ANXA8: variants seen among roughly 807,000 people sequenced by gnomAD.
ANXA8 encodes annexin A8, also known as VAC-beta.
A neutral mutation model predicts 26.8 loss-of-function variants in ANXA8; 9 were observed. The observed-to-expected ratio is 0.34, with a 90% CI of 0.20 to 0.59. The LOEUF (loss-of-function observed/expected upper bound fraction) is 0.59. ANXA8 is among the 20% of genes least tolerant of loss of function. ANXA8 has a pLI of 0.84. For missense variants in ANXA8, 83 were observed against 238.5 expected, an observed-to-expected ratio of 0.35 and a Z score of 4.29; for synonymous variants, 39 against 94.8, an observed-to-expected ratio of 0.41 and a Z score of 3.42.
upstream of ANXA8, among the ~76,000 whole-genome samples, chr10:47,488,441 C>A: frequency 6.8e-6 from 1 of 147,190 alleles, no homozygotes; most frequent in East Asian, 2.0e-4. Context: ...GAACTCCTGA[C>A]CTCAGGTGGC....
chr10:47,562,964 C>T, the ANXA8 span, among the ~76,000 whole-genome samples: 13 of 136,154 alleles, frequency 9.5e-5, no homozygotes, highest in South Asian at 7.7e-4. Context: ...GGCATAGCGG[C>T]TCATCCCTGT....
the ANXA8 span, among the ~76,000 whole-genome samples, chr10:47,563,849 A>G: frequency 6.6e-6 from 1 of 151,910 alleles, no homozygotes; most frequent in Non-Finnish European, 1.5e-5. Flanking sequence ...AAATTAAGAT[A>G]TAGCCTTTTT....
chr10:47,559,315 T>TG, the ANXA8 span, among the ~76,000 whole-genome samples: 2 of 151,352 alleles, frequency 1.3e-5, no homozygotes, highest in Non-Finnish European at 2.9e-5. Flanking sequence ...TTAGTAAAGA[T>TG]GGGGGTTTCA....
the ANXA8 span, chr10:47,986,131 T>C: frequency 1.3e-5 from 2 of 149,660 alleles, no homozygotes; most frequent in African/African-American, 4.9e-5. Context: ...ACTCGCTGGA[T>C]AATATAATAG....
chr10:47,694,417 CTTTTTTTTTTTT>C, the ANXA8 span, among the ~76,000 whole-genome samples: 1 of 107,964 alleles, frequency 9.3e-6, no homozygotes, highest in South Asian at 2.7e-4. Flanking sequence ...AGAAATCTTC[CTTTTTTTTTTTT>C]TTTTTTTTTG....
intron 6 of ANXA8, 62 bp downstream of exon 6, chr10:47,475,431 C>CCAA: frequency 2.5e-6 from 4 of 1,609,000 alleles, no homozygotes; most frequent in Admixed American, 1.7e-5. Flanking sequence ...AGGGCTGCTC[C>CCAA]CTGGGGTGGA....
chr10:47,500,343 A>G, the ANXA8 span, among the ~76,000 whole-genome samples: 1 of 126,078 alleles, frequency 7.9e-6, no homozygotes, highest in African/African-American at 3.0e-5. Context: ...CTGCTCTTTC[A>G]AAGGCACAAT....
the ANXA8 span, among the ~76,000 whole-genome samples, chr10:47,951,024 G>A: frequency 6.6e-6 from 1 of 150,500 alleles, no homozygotes; most frequent in East Asian, 2.0e-4. Flanking sequence ...AAGATAAAAA[G>A]TTCTTTGAAA....
At chr10:47,657,418 A>G in the ANXA8 span, among the ~76,000 whole-genome samples, 5 of 151,862 alleles carry the variant, frequency 3.3e-5, no homozygotes, top group Non-Finnish European at 7.3e-5. Flanking sequence ...AGAGAAAATG[A>G]CAGCTGTGTA....
At chr10:47,679,829 G>A in the ANXA8 span, among the ~76,000 whole-genome samples, 2 of 151,960 alleles carry the variant, frequency 1.3e-5, no homozygotes, top group South Asian at 4.1e-4. Context: ...AAGGTGGGAG[G>A]ATTGCTTGAG....
At chr10:47,714,454 T>G in the ANXA8 span, among the ~76,000 whole-genome samples, 2 of 114,720 alleles carry the variant, frequency 1.7e-5, no homozygotes, top group Non-Finnish European at 3.5e-5. Flanking sequence ...AAATGAGTGC[T>G]AAGAAACCCT....
intron 1 of ANXA8, 99 bp downstream of exon 1, chr10:47,483,814 C>A (rs1443329702): frequency 9.3e-6 from 15 of 1,610,426 alleles, no homozygotes; most frequent in Non-Finnish European, 1.3e-5. Flanking sequence ...TAGACTGAGC[C>A]ACTCCCAGCC....
chr10:47,624,593 T>C, the ANXA8 span, among the ~76,000 whole-genome samples: 1 of 76,858 alleles, frequency 1.3e-5, no homozygotes, highest in African/African-American at 4.7e-5. Context: ...TTTTTTCCTT[T>C]GCTAACTTTC....
chr10:47,503,648 A>G, the ANXA8 span: 1 of 832,736 alleles, frequency 1.2e-6, no homozygotes, highest in African/African-American at 2.1e-5. Flanking sequence ...TTTCTGGGCC[A>G]GGCATGGTGG....
chr10:47,969,445 G>A, the ANXA8 span, among the ~76,000 whole-genome samples: 5,573 of 146,796 alleles, frequency 0.038, 2 homozygotes, highest in African/African-American at 0.13. Flanking sequence ...TGGGCCTCAC[G>A]GGGCTAAAAT....
the ANXA8 span, among the ~76,000 whole-genome samples, chr10:47,500,979 C>T: frequency 9.0e-5 from 11 of 122,398 alleles, no homozygotes; most frequent in East Asian, 7.4e-4. Context: ...TTGCAAGCTC[C>T]GCCTCCTGGG....
At chr10:47,578,003 C>CA in the ANXA8 span, among the ~76,000 whole-genome samples, 1 of 24,212 alleles carries the variant, frequency 4.1e-5, no homozygotes, top group African/African-American at 1.3e-4. Flanking sequence ...AACTCCACCT[C>CA]AAAAAAAAAA....
the ANXA8 span, among the ~76,000 whole-genome samples, chr10:47,492,095 G>A: frequency 4.6e-5 from 7 of 150,644 alleles, no homozygotes; most frequent in African/African-American, 9.8e-5. Flanking sequence ...CCCCAGTGTG[G>A]CCTAGTAAGA....
the ANXA8 span, among the ~76,000 whole-genome samples, chr10:47,947,536 G>A: frequency 1.3e-5 from 2 of 150,328 alleles, no homozygotes; most frequent in South Asian, 2.1e-4. Context: ...AGTGTTGGAG[G>A]AGAGGCCTGG....
Sources: gnomAD v4.1 joint callset for allele counts (sites outside exome capture counted in the v4.1 genomes callset) on GRCh38, gnomAD v4.1.1 for gene constraint, MANE v1.5 for transcripts, NCBI Gene and HGNC (gene_info 2026-07-23, HGNC 2026-07-21) for gene names.